OCA2: variants seen among roughly 807,000 people sequenced by gnomAD.
OCA2 encodes OCA2 melanosomal transmembrane protein, also known as P protein.
OCA2 carries 77 observed loss-of-function variants against 100.2 expected under a neutral mutation model. That is an observed-to-expected ratio of 0.77 (90% CI 0.64 to 0.93). The LOEUF is 0.93. Ranked by LOEUF, OCA2 falls within the 40% of genes least tolerant of loss-of-function variation. The probability of loss-of-function intolerance (pLI) is 0.00; values close to 1 mark genes in which losing one functional copy is unlikely to be tolerated. For synonymous variants in OCA2, 432 were observed against 439.2 expected (o/e 0.98, Z 0.21); for missense variants, 1,062 against 1,089.1 (o/e 0.98, Z 0.35).
At chr15:28,068,195 T>A (rs1488499107) in intron 2 of OCA2, among the ~76,000 whole-genome samples, 2 of 152,190 alleles carry the variant, frequency 1.3e-5, no homozygotes, top group East Asian at 3.8e-4. Context: ...TACTCCACCC[T>A]TTTATTTTGA....
intron 23 of OCA2, among the ~76,000 whole-genome samples, chr15:27,802,642 T>C (rs949844498): frequency 2.6e-5 from 4 of 152,170 alleles, no homozygotes; most frequent in African/African-American, 7.2e-5. Context: ...CTAATTCTTT[T>C]ACAAAGATGC....
chr15:27,775,625 C>T (rs1312852319), intron 23 of OCA2: 1 of 152,608 alleles, frequency 6.6e-6, no homozygotes, highest in Non-Finnish European at 1.5e-5. Flanking sequence ...CATCCGTCAG[C>T]TCAGGCTGCT....
chr15:27,913,931 G>GC (rs1463316526), intron 19 of OCA2, among the ~76,000 whole-genome samples: 10 of 132,102 alleles, frequency 7.6e-5, no homozygotes, highest in African/African-American at 2.2e-4. Context: ...AAGCAAGCAA[G>GC]AAAGAAAGAA....
At chr15:27,824,700 G>A (rs144251114) in intron 23 of OCA2, among the ~76,000 whole-genome samples, 255 of 149,338 alleles carry the variant, frequency 1.7e-3, no homozygotes, top group African/African-American at 6.0e-3. Flanking sequence ...CCACATCTCC[G>A]GCCAGCTGCT....
chr15:27,983,277 T>C, intron 14 of OCA2, 68 bp downstream of exon 14: 2 of 1,591,734 alleles, frequency 1.3e-6, no homozygotes, highest in Admixed American at 3.3e-5. Flanking sequence ...GGCGTCCATG[T>C]GGGGTAGAGC....
chr15:27,911,934 C>A (rs540189704), intron 19 of OCA2, among the ~76,000 whole-genome samples: 1 of 152,152 alleles, frequency 6.6e-6, no homozygotes, highest in Non-Finnish European at 1.5e-5. Context: ...AGACTAAAGA[C>A]AAAAAGAAGT....
chr15:27,817,493 C>T (rs1334522028), intron 23 of OCA2, among the ~76,000 whole-genome samples: 1 of 152,164 alleles, frequency 6.6e-6, no homozygotes, highest in Non-Finnish European at 1.5e-5. Context: ...ACTGGCTCAG[C>T]TGGTCTGAAG....
chr15:27,737,022 C>CA, the OCA2 span, among the ~76,000 whole-genome samples: 4,976 of 152,110 alleles, frequency 0.033, 291 homozygotes, highest in African/African-American at 0.11. Context: ...CCAACACATA[C>CA]AAAAAAATCA....
intron 2 of OCA2, among the ~76,000 whole-genome samples, chr15:28,047,729 T>C (rs912407062): frequency 2.6e-5 from 4 of 152,224 alleles, no homozygotes; most frequent in African/African-American, 9.6e-5. Flanking sequence ...CTACTTTCAC[T>C]ATTGCTAATT....
At chr15:27,773,037 GTC>G (rs577960071) in intron 23 of OCA2, among the ~76,000 whole-genome samples, 197 of 152,070 alleles carry the variant, frequency 1.3e-3, no homozygotes, top group African/African-American at 4.7e-3. Flanking sequence ...TATGTTGACT[GTC>G]TCATTGAATT....
chr15:28,082,590 T>C (rs923110280), intron 1 of OCA2, among the ~76,000 whole-genome samples: 3 of 152,194 alleles, frequency 2.0e-5, no homozygotes, highest in African/African-American at 7.2e-5. Flanking sequence ...TAAGAGATGG[T>C]TCTTGTTATT....
At chr15:27,788,671 C>G (rs2032934635) in intron 23 of OCA2, among the ~76,000 whole-genome samples, 1 of 151,934 alleles carries the variant, frequency 6.6e-6, no homozygotes, top group African/African-American at 2.4e-5. Context: ...GTTTGTAAAT[C>G]TATGCAATTT....
At chr15:27,813,583 A>G (rs1487633625) in intron 23 of OCA2, among the ~76,000 whole-genome samples, 2 of 152,234 alleles carry the variant, frequency 1.3e-5, no homozygotes, top group African/African-American at 2.4e-5. Flanking sequence ...GAGACATTAA[A>G]GCTCATTAAA....
At chr15:27,870,656 A>C (rs191531933) in intron 21 of OCA2, among the ~76,000 whole-genome samples, 122 of 129,972 alleles carry the variant, frequency 9.4e-4, no homozygotes, top group African/African-American at 3.7e-3. Flanking sequence ...GATGTCTCAC[A>C]ATTTTCGAAA....
intron 10 of OCA2, among the ~76,000 whole-genome samples, chr15:27,989,942 A>G (rs1210705189): frequency 1.3e-5 from 2 of 152,108 alleles, no homozygotes; most frequent in Non-Finnish European, 2.9e-5. Flanking sequence ...CCCTGGTTAC[A>G]TTCCGAGTGG....
rs531428002 is a variant in OCA2, at chr15:27,856,847, A to G, written c.2245-5372T>C. Among the ~76,000 whole-genome samples, 11 of 152,314 alleles carry G rather than the reference A, an allele frequency of 7.2e-5. No homozygotes were observed. In the East Asian group the frequency reaches 1.9e-3, roughly 27 times the overall value. ...CACTTTTCAAAAAATGTTTGGAAAA[A>G]TCATAAATGGATGGCTCCAGCACTC... On this transcript the variant is annotated intron_variant, in intron 21 of 23. Transcript: ENST00000354638.
chr15:28,065,734 A>T (rs2044003946), intron 2 of OCA2, among the ~76,000 whole-genome samples: 1 of 152,084 alleles, frequency 6.6e-6, no homozygotes. Flanking sequence ...CATCTTAATT[A>T]TGTTGTTTTC....
the OCA2 span, among the ~76,000 whole-genome samples, chr15:27,743,322 C>A: frequency 6.6e-6 from 1 of 152,220 alleles, no homozygotes; most frequent in Non-Finnish European, 1.5e-5. Flanking sequence ...AGGACAGTGA[C>A]ACTCTGCCAC....
At chr15:27,868,890 A>C (rs191311965) in intron 21 of OCA2, among the ~76,000 whole-genome samples, 3 of 152,206 alleles carry the variant, frequency 2.0e-5, no homozygotes, top group African/African-American at 7.2e-5. Context: ...ACAGCTTTTT[A>C]AAAAATGTGG....
Sources: gnomAD v4.1 joint callset for allele counts (sites outside exome capture counted in the v4.1 genomes callset) on GRCh38, gnomAD v4.1.1 for gene constraint, MANE v1.5 for transcripts, NCBI Gene and HGNC (gene_info 2026-07-23, HGNC 2026-07-21) for gene names.